UNC5D: variants seen among roughly 807,000 people sequenced by gnomAD.
UNC5D encodes netrin receptor UNC5D.
In UNC5D, 39 loss-of-function variants were observed where a neutral mutation model predicts 105.4. The ratio of observed to expected loss-of-function variants is 0.37; its 90% confidence interval spans 0.29 to 0.48. UNC5D has a LOEUF of 0.48. Ranked by LOEUF, UNC5D falls within the 20% of genes least tolerant of loss-of-function variation. The pLI is 0.98. For missense variants in UNC5D, 991 were observed against 1,202.4 expected, an observed-to-expected ratio of 0.82 and a Z score of 2.60; for synonymous variants, 452 against 450.4, an observed-to-expected ratio of 1.00 and a Z score of -0.04.
intron 1 of UNC5D, among the ~76,000 whole-genome samples, chr8:35,265,848 C>T (rs577950097): frequency 2.8e-4 from 41 of 147,642 alleles, no homozygotes; most frequent in South Asian, 1.5e-3. Flanking sequence ...CCAGCCTGAG[C>T]GACAGAGCGA....
intron 1 of UNC5D, among the ~76,000 whole-genome samples, chr8:35,424,765 C>G (rs1222439497): frequency 2.0e-5 from 3 of 152,182 alleles, no homozygotes; most frequent in Non-Finnish European, 4.4e-5. Flanking sequence ...AATCTGGAGG[C>G]CTTCTCTTAT....
intron 3 of UNC5D, among the ~76,000 whole-genome samples, chr8:35,588,588 A>G (rs1433286721): frequency 6.6e-6 from 1 of 152,150 alleles, no homozygotes; most frequent in East Asian, 1.9e-4. Flanking sequence ...TTTAATAGCT[A>G]GTCACCCTGC....
intron 1 of UNC5D, among the ~76,000 whole-genome samples, chr8:35,407,910 G>A (rs1003752129): frequency 2.6e-5 from 4 of 151,972 alleles, no homozygotes; most frequent in Non-Finnish European, 2.9e-5. Context: ...TGGTATATAT[G>A]TACCACATTT....
At chr8:35,431,457 T>A (rs947329629) in intron 1 of UNC5D, among the ~76,000 whole-genome samples, 1 of 152,140 alleles carries the variant, frequency 6.6e-6, no homozygotes, top group African/African-American at 2.4e-5. Flanking sequence ...TTCAAGATGA[T>A]CTTTACCATT....
At chr8:35,705,589 G>T (rs1177886617) in intron 7 of UNC5D, among the ~76,000 whole-genome samples, 1 of 152,098 alleles carries the variant, frequency 6.6e-6, no homozygotes, top group Admixed American at 6.5e-5. Context: ...ACCTGAGCAG[G>T]CTTCTGGTTG....
At chr8:35,533,891 C>G (rs571130334) in intron 1 of UNC5D, among the ~76,000 whole-genome samples, 1 of 152,174 alleles carries the variant, frequency 6.6e-6, no homozygotes, top group African/African-American at 2.4e-5. Flanking sequence ...GGCAATGCCT[C>G]GCCATGCTTC....
At chr8:35,651,713 T>C (rs776825578) in intron 4 of UNC5D, among the ~76,000 whole-genome samples, 8 of 152,220 alleles carry the variant, frequency 5.3e-5, no homozygotes, top group African/African-American at 1.9e-4. Flanking sequence ...ATATAATGTA[T>C]CCCCATTTAG....
intron 1 of UNC5D, among the ~76,000 whole-genome samples, chr8:35,263,607 A>G (rs1804635335): frequency 6.6e-6 from 1 of 152,192 alleles, no homozygotes; most frequent in Non-Finnish European, 1.5e-5. Flanking sequence ...TAGCCACCTA[A>G]TAATGAAGCC....
At chr8:35,658,707 A>G (rs1823928467) in intron 4 of UNC5D, among the ~76,000 whole-genome samples, 1 of 138,866 alleles carries the variant, frequency 7.2e-6, no homozygotes, top group African/African-American at 2.7e-5. Flanking sequence ...GCTGAAGTGC[A>G]GTGGCGCGAC....
intron 7 of UNC5D, among the ~76,000 whole-genome samples, chr8:35,702,338 A>G (rs915816536): frequency 1.3e-5 from 2 of 152,108 alleles, no homozygotes; most frequent in Non-Finnish European, 2.9e-5. Context: ...CCCGAAAGTG[A>G]TCATGATCAC....
chr8:35,728,095 A>AAAAAAAAAAT (rs34672872), intron 10 of UNC5D, among the ~76,000 whole-genome samples: 2 of 110,364 alleles, frequency 1.8e-5, no homozygotes, highest in Admixed American at 1.0e-4. Flanking sequence ...AAAAAAAAAA[A>AAAAAAAAAAT]ATATATATAT....
chr8:35,451,755 A>T (rs1808166271), intron 1 of UNC5D, among the ~76,000 whole-genome samples: 1 of 152,086 alleles, frequency 6.6e-6, no homozygotes, highest in Admixed American at 6.6e-5. Context: ...TTGTTGCTGA[A>T]TGTTTCTAGC....
Position 35,512,465 on chromosome 8 carries a change from CATATATATATATATATAT to C in UNC5D, c.104-36800_104-36783del, listed in dbSNP as rs780945660. ...TGAGAGTTCAAGGCTAATAGTGAGCCATATATATATATATATATATATATATATATATATATATATATA... is the reference window on the plus strand; with the variant it reads ...TGAGAGTTCAAGGCTAATAGTGAGCCATATATATATATATATATATATATA... On this transcript the variant is annotated intron_variant, in intron 1 of 16. Transcript: ENST00000404895. Among the ~76,000 whole-genome samples, 64 of 20,112 alleles carry C rather than the reference CATATATATATATATATAT, an allele frequency of 3.2e-3. 1 individual carries two copies. Among genetic ancestry groups the C allele is most frequent in the East Asian group, 0.016 (10 of 610 alleles). The allele number at this position is 20,112 out of a possible 152,430, so 13.2% of individuals were successfully genotyped here.
In UNC5D at chr8:35,395,221, G is replaced by C. The variant is rs189894038; in HGVS notation, c.104-154071G>C. On this transcript the variant is annotated intron_variant, in intron 1 of 16. Transcript: ENST00000404895. ...CCAATGTTCACATCTTAAAGAACAA[G>C]GGCTGTTTCTATTATTACTACTTTC... Among the ~76,000 whole-genome samples, 3 of 152,300 alleles carry C rather than the reference G, an allele frequency of 2.0e-5. No homozygotes were observed. The East Asian group carries it at 5.8e-4, about 29-fold the overall frequency.
intron 4 of UNC5D, among the ~76,000 whole-genome samples, chr8:35,650,667 T>G (rs1040594021): frequency 2.0e-5 from 3 of 152,014 alleles, no homozygotes; most frequent in Non-Finnish European, 4.4e-5. Flanking sequence ...AGATGGGGTT[T>G]TGCTATATTT....
chr8:35,464,352 A>G (rs1038454198), intron 1 of UNC5D, among the ~76,000 whole-genome samples: 7 of 152,134 alleles, frequency 4.6e-5, no homozygotes, highest in Non-Finnish European at 1.0e-4. Flanking sequence ...ATAATAAAAA[A>G]GAAAACAGTT....
At chr8:35,547,918 A>T (rs905498823) in intron 1 of UNC5D, among the ~76,000 whole-genome samples, 9 of 152,188 alleles carry the variant, frequency 5.9e-5, no homozygotes, top group African/African-American at 2.2e-4. Flanking sequence ...GCTGAGGAGC[A>T]AGGAAGCCAG....
intron 1 of UNC5D, among the ~76,000 whole-genome samples, chr8:35,491,520 T>A (rs902061963): frequency 6.6e-6 from 1 of 152,170 alleles, no homozygotes; most frequent in Non-Finnish European, 1.5e-5. Context: ...AATTGTTATA[T>A]GGCCATTTAC....
chr8:35,430,877 C>A (rs1806586632), intron 1 of UNC5D, among the ~76,000 whole-genome samples: 1 of 152,154 alleles, frequency 6.6e-6, no homozygotes, highest in South Asian at 2.1e-4. Context: ...GAAGAAGCAC[C>A]TTGGTGACAA....
Sources: allele counts gnomAD v4.1 joint callset (sites outside exome capture counted in the v4.1 genomes callset), GRCh38; gene constraint gnomAD v4.1.1; transcripts MANE v1.5; gene names NCBI Gene and HGNC (gene_info 2026-07-23, HGNC 2026-07-21).